IGSF1: variants seen among roughly 807,000 people sequenced by gnomAD.
IGSF1 encodes the protein immunoglobulin superfamily member 1.
A neutral mutation model predicts 95.3 loss-of-function variants in IGSF1; 40 were observed. The observed-to-expected ratio is 0.42, with a 90% CI of 0.33 to 0.55. The LOEUF (loss-of-function observed/expected upper bound fraction) is 0.55. Among genes scored for constraint, IGSF1 ranks in the 20% least tolerant of loss-of-function variants. IGSF1 has a pLI of 0.10. For synonymous variants in IGSF1, 372 were observed against 382.9 expected, an observed-to-expected ratio of 0.97 and a Z score of 0.33; for missense variants, 906 against 1,025.4, an observed-to-expected ratio of 0.88 and a Z score of 1.59.
intron 5 of IGSF1, among the ~76,000 whole-genome samples, chrX:131,283,707 A>AG (rs1365354938): frequency 8.9e-6 from 1 of 112,651 alleles, no homozygotes; most frequent in Non-Finnish European, 1.9e-5. Flanking sequence ...CAAGACTGAA[A>AG]GAAGCCAATA....
In IGSF1 at chrX:131,279,248, C is replaced by T. The variant is rs1308463128; in HGVS notation, c.1717+23G>A. The T allele has an allele frequency of 1.1e-5, 13 of 1,208,406 alleles. No individual in the cohort carries two copies. The South Asian group carries it at 2.3e-4, about 21-fold the overall frequency. ...CTTCACCCCGGCCTTCTGCCCGGGG[C>T]CCCTTCCCCCACTTGTACTCACCAC... On this transcript the variant is annotated intron_variant, in intron 10 of 19. Coordinates refer to ENST00000361420, the MANE Select transcript of IGSF1 (RefSeq NM_001555.5).
At chrX:131,282,931 T>G in intron 6 of IGSF1, 49 bp downstream of exon 6, 1 of 1,077,909 alleles carries the variant, frequency 9.3e-7, no homozygotes, top group Non-Finnish European at 1.3e-6. Flanking sequence ...AGAGGGAGAT[T>G]TATATCCTTA....
chrX:131,285,642 G>A, intron 4 of IGSF1, 125 bp downstream of exon 4: 1 of 842,189 alleles, frequency 1.2e-6, no homozygotes, highest in Non-Finnish European at 1.7e-6. Context: ...CCAATACAAA[G>A]TAGGCCCTTA....
intron 16 of IGSF1, 92 bp from the exon 17 acceptor site, chrX:131,275,378 G>T: frequency 9.0e-7 from 1 of 1,109,129 alleles, no homozygotes; most frequent in Non-Finnish European, 1.2e-6. Flanking sequence ...AAAGGCAATT[G>T]GTTGCCTCTC....
chrX:131,288,978 G>A, intron 1 of IGSF1: 1 of 251,704 alleles, frequency 4.0e-6, no homozygotes, highest in Non-Finnish European at 7.5e-6. Context: ...AGGGAAGACT[G>A]AGAAGGAAAA....
chrX:131,278,216 AT>A, intron 12 of IGSF1, 82 bp from the exon 13 acceptor site: 4 of 982,846 alleles, frequency 4.1e-6, no homozygotes, highest in Non-Finnish European at 4.2e-6. Flanking sequence ...TTGTCAGCAA[AT>A]AAAGACATTC....
At chrX:131,278,380 TC>T (rs2080506750) in intron 12 of IGSF1, 80 bp downstream of exon 12, 1 of 949,522 alleles carries the variant, frequency 1.1e-6, no homozygotes, top group African/African-American at 2.0e-5. Context: ...CCCTGTGAGT[TC>T]ATTCCCTCAC....
At chrX:131,286,100 C>T in intron 3 of IGSF1, 52 bp from the exon 4 acceptor site, 1 of 1,039,928 alleles carries the variant, frequency 9.6e-7, no homozygotes, top group South Asian at 2.2e-5. Flanking sequence ...CTCTCCCTCC[C>T]ATAACATGTC....
intron 4 of IGSF1, 146 bp downstream of exon 4, chrX:131,285,621 C>T: frequency 1.2e-6 from 1 of 806,581 alleles, no homozygotes; most frequent in Non-Finnish European, 1.7e-6. Flanking sequence ...TGCATCCCCC[C>T]TCTGCATTGC....
At chrX:131,288,937 G>T (rs2080680283) in intron 1 of IGSF1, 1 of 231,876 alleles carries the variant, frequency 4.3e-6, no homozygotes, top group Non-Finnish European at 8.1e-6. Context: ...GCTCGGCGGG[G>T]TGCCGGGTAC....
intron 2 of IGSF1, 24 bp downstream of exon 2, chrX:131,286,581 C>A (rs747065022): frequency 8.4e-7 from 1 of 1,192,584 alleles, no homozygotes; most frequent in Non-Finnish European, 1.1e-6. Context: ...GGTCACTTGC[C>A]CCTCACCCCT....
At position 131,276,979 on chromosome X, in the gene IGSF1, G is replaced by C. The variant is rs766815289; in HGVS notation, c.2568C>G (p.Ile856Met). The C allele has an allele frequency of 3.3e-6, 4 of 1,211,332 alleles. No individual in the cohort carries two copies. Among genetic ancestry groups the C allele is most frequent in the Non-Finnish European group, 4.5e-6 (4 of 895,241 alleles). The part of the protein sequence containing the change: ...NYSCRYYDFS[I>M]WSEPSDPVEL... ...CCACAGGGTCGCTGGGCTCAGACCA[G>C]ATAGAAAAGTCATAATATCGGCAGC... Residue 856 changes from isoleucine (I) to methionine (M), a missense_variant, in exon 14 of 20, where the codon ATC becomes ATG. By Grantham distance (10) the Ile-to-Met change is conservative (BLOSUM62 1). Around this residue, in one of 5 missense-constraint regions of IGSF1, gnomAD observed 411 missense variants for 494.9 expected, o/e 0.83. Coordinates refer to ENST00000361420, the MANE Select transcript of IGSF1 (RefSeq NM_001555.5).
At chrX:131,286,262 C>CT in intron 3 of IGSF1, among the ~76,000 whole-genome samples, 175 bp downstream of exon 3, 1 of 111,305 alleles carries the variant, frequency 9.0e-6, no homozygotes, top group East Asian at 2.8e-4. Flanking sequence ...CTGATGGTCT[C>CT]TTTTCCATCT....
Position 131,273,885 on chromosome X carries a change from A to G in IGSF1, c.3922T>C (p.Cys1308Arg), listed in dbSNP as rs765249623. ...GRDQTIALEE[C>R]NQEGEPGTPA... ...GTGCCTGGTTCTCCTTCTTGGTTAC[A>G]CTCTTCAAGGGCAATGGTCTGGTCT... Residue 1308 changes from cysteine to arginine, a missense_variant, in exon 20 of 20, where the codon TGT (cysteine) becomes CGT (arginine). Around this residue, in one of 5 missense-constraint regions of IGSF1, gnomAD observed 411 missense variants for 494.9 expected, o/e 0.83. Coordinates refer to ENST00000361420, the MANE Select transcript of IGSF1 (RefSeq NM_001555.5). 1.7e-6 allele frequency: 2 copies of G among 1,209,411 alleles called. No homozygotes were observed. Among genetic ancestry groups the G allele is most frequent in the South Asian group, 3.5e-5 (2 of 56,854 alleles).
In IGSF1 at chrX:131,277,929, G is replaced by C. The variant is rs1205186348; in HGVS notation, c.2247C>G (p.Ser749Arg). ...GGCGTTTTTCAGTGTGAGTGCGGCA[G>C]CTGTAATTGCCTTCGTCTTTATCCT... ...RMEDKDEGNY[S>R]CRTHTEKRPF... Residue 749 changes from serine to arginine, a missense_variant, in exon 13 of 20, where the codon AGC (serine) becomes AGG (arginine). Around this residue, in one of 5 missense-constraint regions of IGSF1, gnomAD observed 411 missense variants for 494.9 expected, o/e 0.83. Coordinates refer to ENST00000361420, the MANE Select transcript of IGSF1 (RefSeq NM_001555.5). The C allele has an allele frequency of 1.7e-6, 2 of 1,208,669 alleles. No homozygotes were observed. The highest frequency in any genetic ancestry group is 2.2e-6 in the Non-Finnish European group (2 of 894,528).
chrX:131,277,254 C>A, intron 13 of IGSF1, 28 bp from the exon 14 acceptor site: 1 of 1,119,925 alleles, frequency 8.9e-7, no homozygotes, highest in Admixed American at 2.9e-5. Flanking sequence ...AAAACAAAAA[C>A]AAAAAACAAA....
chrX:131,287,086 C>T (rs1437862161), intron 1 of IGSF1, among the ~76,000 whole-genome samples: 4 of 102,404 alleles, frequency 3.9e-5, no homozygotes, highest in African/African-American at 1.1e-4. Context: ...TGTTTATATA[C>T]GTATATATAT....
Position 131,277,331 on chromosome X carries a change from G to T in IGSF1, c.2321-105C>A, listed in dbSNP as rs943249634. 3.7e-6 allele frequency: 3 copies of T among 815,954 alleles called. No individual in the cohort carries two copies. In the African/African-American group the frequency reaches 6.3e-5, roughly 17 times the overall value. The allele number at this position is 815,954 out of a possible 1,213,427, so 67.2% of individuals were successfully genotyped here. A position where few individuals can be genotyped will look rare whatever the true frequency, so the allele number is the denominator to read the frequency against. On this transcript the variant is annotated intron_variant, in intron 13 of 19. Transcript: ENST00000361420. ...CAAATATAGCAAATATTGGTTCTCG[G>T]AGGCTTCTTTGCTTTTAAGTAAGTG...
At position 131,285,477 on chromosome X, in the gene IGSF1, A is replaced by G; in HGVS notation, c.380-11T>C. 8.3e-7 allele frequency: 1 copy of G among 1,198,628 alleles called. No homozygotes were observed. The highest frequency in any genetic ancestry group is 1.1e-6 in the Non-Finnish European group (1 of 888,703). On this transcript the variant is annotated splice_polypyrimidine_tract_variant and intron_variant, in intron 4 of 19. Coordinates refer to ENST00000361420, the MANE Select transcript of IGSF1 (RefSeq NM_001555.5). The stretch of plus-strand genomic sequence containing the variant: ...GCTTGGGCAGTTGGCCTGGAAGGAT[A>G]GAATGAACTGGAATTAGGTAAAGCA...
Sources: allele counts gnomAD v4.1 joint callset (sites outside exome capture counted in the v4.1 genomes callset), GRCh38; gene constraint gnomAD v4.1.1; regional missense constraint gnomAD v4.1.1; transcripts MANE v1.5; gene names NCBI Gene and HGNC (gene_info 2026-07-23, HGNC 2026-07-21).